The following MAMDC2 variants were observed in gnomAD, a reference collection of about 807,000 sequenced individuals.
MAMDC2 encodes the protein MAM domain containing 2, also known as MAM domain-containing protein 2.
A neutral mutation model predicts 89.8 loss-of-function variants in MAMDC2; 57 were observed. The observed-to-expected ratio is 0.63, with a 90% CI of 0.51 to 0.79. MAMDC2 has a LOEUF of 0.79. Among genes scored for constraint, MAMDC2 ranks in the 30% least tolerant of loss-of-function variants. The pLI, the probability that MAMDC2 is intolerant of heterozygous loss-of-function variation, is 0.00. For synonymous variants in MAMDC2, 313 were observed against 293.4 expected (o/e 1.07, Z -0.68); for missense variants, 800 against 820.6 (o/e 0.97, Z 0.31).
rs759605278 is a variant in MAMDC2, at chr9:70,147,609, A to G, written c.1404+3790A>G. 1.0e-3 allele frequency among the ~76,000 whole-genome samples: 154 copies of G among 150,102 alleles called. 7 individuals are homozygous for G. In the Middle Eastern group the frequency reaches 0.014, roughly 13 times the overall value. On this transcript the variant is annotated intron_variant, in intron 9 of 13. Coordinates refer to ENST00000377182, the MANE Select transcript of MAMDC2 (RefSeq NM_153267.5). Reference sequence around the variant, plus strand: ...CACCCCACCATGTTAAAATGAATAAATCTCCCCCGACCCCGCATTTCCCTT... The same window carrying G: ...CACCCCACCATGTTAAAATGAATAAGTCTCCCCCGACCCCGCATTTCCCTT...
chr9:70,078,995 TG>T (rs771408456), intron 2 of MAMDC2, among the ~76,000 whole-genome samples: 1 of 152,144 alleles, frequency 6.6e-6, no homozygotes, highest in Middle Eastern at 3.2e-3. Context: ...CAGCTCCAAT[TG>T]ATCTTTACTT....
chr9:70,118,514 T>C (rs2030122447), intron 5 of MAMDC2, among the ~76,000 whole-genome samples: 1 of 152,200 alleles, frequency 6.6e-6, no homozygotes, highest in Admixed American at 6.5e-5. Context: ...AACCCTCCAA[T>C]GCTCTAAAAA....
chr9:70,055,681 A>G (rs925710472), intron 2 of MAMDC2, among the ~76,000 whole-genome samples: 2 of 152,214 alleles, frequency 1.3e-5, no homozygotes, highest in Admixed American at 6.5e-5. Context: ...GTAGAGACAG[A>G]GAAATGTAGT....
At chr9:70,130,738 G>A (rs977123011) in intron 6 of MAMDC2, among the ~76,000 whole-genome samples, 2 of 152,080 alleles carry the variant, frequency 1.3e-5, no homozygotes, top group African/African-American at 4.8e-5. Context: ...AAGGAACTTA[G>A]AGGGTGTTTG....
At chr9:70,090,570 C>T (rs1303904873) in intron 2 of MAMDC2, 1 of 151,014 alleles carries the variant, frequency 6.6e-6, no homozygotes, top group African/African-American at 2.4e-5. Flanking sequence ...TTTTATCTAT[C>T]AAATTGTTTA....
chr9:70,155,582 A>G (rs987036177), intron 9 of MAMDC2, among the ~76,000 whole-genome samples: 1 of 152,218 alleles, frequency 6.6e-6, no homozygotes. Flanking sequence ...AGTCTCCTGC[A>G]TTCGACACCG....
chr9:70,145,539 T>A (rs1169004141), intron 9 of MAMDC2, among the ~76,000 whole-genome samples: 1 of 150,392 alleles, frequency 6.6e-6, no homozygotes, highest in Non-Finnish European at 1.5e-5. Context: ...CTCTTACAAG[T>A]AGTTATAGTA....
chr9:70,223,436 C>T (rs1169361915), intron 12 of MAMDC2, among the ~76,000 whole-genome samples: 1 of 152,078 alleles, frequency 6.6e-6, no homozygotes, highest in Non-Finnish European at 1.5e-5. Context: ...GGATACACTA[C>T]CCTTATTTTA....
chr9:70,135,948 G>A (rs2030986979), intron 7 of MAMDC2, among the ~76,000 whole-genome samples: 1 of 152,034 alleles, frequency 6.6e-6, no homozygotes, highest in African/African-American at 2.4e-5. Context: ...CCTAGGAGTT[G>A]TAGACCAGCC....
At chr9:70,054,535 G>A (rs566363276) in intron 2 of MAMDC2, among the ~76,000 whole-genome samples, 1 of 152,198 alleles carries the variant, frequency 6.6e-6, no homozygotes, top group East Asian at 1.9e-4. Flanking sequence ...TGAGAAGAAA[G>A]GGGTTCAACC....
chr9:70,159,310 AATATTT>A (rs1203927536), intron 9 of MAMDC2, among the ~76,000 whole-genome samples: 11 of 152,180 alleles, frequency 7.2e-5, no homozygotes, highest in African/African-American at 2.7e-4. Flanking sequence ...TCATTCCAGT[AATATTT>A]ATAATACTGA....
chr9:70,180,037 C>A (rs1184091363), intron 11 of MAMDC2, among the ~76,000 whole-genome samples: 1 of 151,532 alleles, frequency 6.6e-6, no homozygotes, highest in Non-Finnish European at 1.5e-5. Flanking sequence ...CAACAGGCCC[C>A]GGTGTGTGAT....
At chr9:70,184,203 T>C (rs1433000086) in intron 11 of MAMDC2, among the ~76,000 whole-genome samples, 3 of 152,144 alleles carry the variant, frequency 2.0e-5, no homozygotes, top group African/African-American at 7.2e-5. Context: ...ATGTTGCATA[T>C]TGGTCCCTAC....
At chr9:70,158,409 A>G (rs2118479065) in intron 9 of MAMDC2, among the ~76,000 whole-genome samples, 1 of 152,060 alleles carries the variant, frequency 6.6e-6, no homozygotes, top group Non-Finnish European at 1.5e-5. Flanking sequence ...CTTTCACTTT[A>G]GATGCAAGTA....
intron 11 of MAMDC2, among the ~76,000 whole-genome samples, chr9:70,178,195 C>A (rs2032555277): frequency 6.6e-6 from 1 of 152,150 alleles, no homozygotes; most frequent in South Asian, 2.1e-4. Context: ...AATGGCTGAA[C>A]TGAGCAATTT....
chr9:70,044,209 G>C lies in MAMDC2; in HGVS notation c.12G>C (p.Arg4Ser), dbSNP rs938522077. 1 of 1,613,572 alleles carries C rather than the reference G, an allele frequency of 6.2e-7. No homozygotes were observed. Among genetic ancestry groups the C allele is most frequent in the East Asian group, 2.2e-5 (1 of 44,814 alleles). ...CCTGAAACGCGACCATGCTGTTAAG[G>C]GGCGTCCTCCTGGCGTTGCAAGGTA... MLL[R>S]GVLLALQALQ... The change falls in exon 1 of 14, where the codon AGG becomes AGC. Residue 4 changes from arginine to serine, a missense_variant. Arg to Ser is a moderately radical substitution (Grantham distance 110, BLOSUM62 -1). Transcript: ENST00000377182.
At chr9:70,222,227 G>A (rs2033577431) in intron 12 of MAMDC2, among the ~76,000 whole-genome samples, 1 of 152,134 alleles carries the variant, frequency 6.6e-6, no homozygotes, top group South Asian at 2.1e-4. Flanking sequence ...TTGAGATGAG[G>A]AAGAGTTGAG....
At chr9:70,089,597 G>A (rs1044516204) in intron 2 of MAMDC2, among the ~76,000 whole-genome samples, 1 of 152,148 alleles carries the variant, frequency 6.6e-6, no homozygotes, top group Admixed American at 6.6e-5. Context: ...TCTGGGTGGA[G>A]AGGGGAAGAG....
intron 2 of MAMDC2, among the ~76,000 whole-genome samples, chr9:70,089,580 T>G (rs1018238953): frequency 6.7e-6 from 1 of 150,210 alleles, no homozygotes. Flanking sequence ...GGGAGGGGAG[T>G]GGGGACTCTG....
Sources: allele counts gnomAD v4.1 joint callset (sites outside exome capture counted in the v4.1 genomes callset), GRCh38; gene constraint gnomAD v4.1.1; transcripts MANE v1.5; gene names NCBI Gene and HGNC (gene_info 2026-07-23, HGNC 2026-07-21).